METTL27: variants seen among roughly 807,000 people sequenced by gnomAD.
METTL27 encodes methyltransferase like 27.
Under a neutral mutation model 24.5 loss-of-function variants are expected in METTL27, and 29 were observed. The observed-to-expected ratio is 1.18, with a 90% confidence interval of 0.88 to 1.61. The LOEUF (loss-of-function observed/expected upper bound fraction) is 1.61, where lower values mean the gene tolerates loss of function less well. Among genes scored for constraint, METTL27 ranks in the 40% most tolerant of loss-of-function variants. METTL27 has a pLI of 0.00. For synonymous variants in METTL27, 138 were observed against 146.8 expected, an observed-to-expected ratio of 0.94 and a Z score of 0.43; for missense variants, 341 against 324.3, an observed-to-expected ratio of 1.05 and a Z score of -0.40.
chr7:73,836,101 C>A (rs1554635133), intron 5 of METTL27, among the ~76,000 whole-genome samples: 1 of 152,076 alleles, frequency 6.6e-6, no homozygotes, highest in Admixed American at 6.5e-5. Context: ...AGCCCCCCGC[C>A]CCACCAGCCG....
chr7:73,837,781 C>T (rs1261913214), intron 5 of METTL27, among the ~76,000 whole-genome samples: 16 of 151,776 alleles, frequency 1.1e-4, no homozygotes, highest in Admixed American at 7.9e-4. Flanking sequence ...AGGCTGGTCT[C>T]GAACTTTTGA....
intron 5 of METTL27, among the ~76,000 whole-genome samples, chr7:73,837,841 G>A (rs1327257308): frequency 6.6e-6 from 1 of 151,862 alleles, no homozygotes; most frequent in Non-Finnish European, 1.5e-5. Flanking sequence ...CACTGTGCCT[G>A]CCCACCCCCC....
intron 5 of METTL27, 150 bp from the exon 6 acceptor site, chr7:73,835,152 T>TCCTCTCCCTCCTCTCCCTCCTCTC: frequency 1.8e-6 from 1 of 557,686 alleles, no homozygotes; most frequent in African/African-American, 3.5e-5. Context: ...TCCCTCTCCC[T>TCCTCTCCCTCCTCTCCCTCCTCTC]CCTCTCCCTC....
intron 2 of METTL27, among the ~76,000 whole-genome samples, chr7:73,841,607 G>A (rs1788358175): frequency 6.6e-6 from 1 of 151,990 alleles, no homozygotes; most frequent in South Asian, 2.1e-4. Flanking sequence ...AGGGTAGCTG[G>A]GATTACCAGG....
intron 3 of METTL27, among the ~76,000 whole-genome samples, 162 bp downstream of exon 3, chr7:73,840,908 G>T (rs1563653020): frequency 6.6e-6 from 1 of 152,198 alleles, no homozygotes; most frequent in Non-Finnish European, 1.5e-5. Flanking sequence ...CTGTCCTCCT[G>T]CCTCGGCCTC....
intron 1 of METTL27, 64 bp from the exon 2 acceptor site, chr7:73,842,208 T>G: frequency 1.3e-6 from 2 of 1,538,746 alleles, no homozygotes; most frequent in Non-Finnish European, 1.7e-6. Flanking sequence ...CCTTTCCCCC[T>G]TCCCTCCTCC....
intron 5 of METTL27, among the ~76,000 whole-genome samples, chr7:73,836,082 G>C (rs1352102137): frequency 6.6e-6 from 1 of 150,842 alleles, no homozygotes; most frequent in Non-Finnish European, 1.5e-5. Context: ...GGAGGGAGGT[G>C]GGGGGGTCAG....
At chr7:73,840,353 C>T (rs151336190) in intron 4 of METTL27, 61 bp downstream of exon 4, 1 of 1,546,814 alleles carries the variant, frequency 6.5e-7, no homozygotes, top group African/African-American at 1.4e-5. Flanking sequence ...GATGGAGGAT[C>T]AGCAAGGGAA....
rs1554636372 is a variant in METTL27 at position 73,841,157 on chromosome 7, C to A, written c.165G>T (p.Val55=). The change falls in exon 3 of 6, where the codon GTG becomes GTT. Residue 55 remains valine (V), a synonymous_variant. Coordinates refer to ENST00000297873, the MANE Select transcript of METTL27 (RefSeq NM_152559.3). The part of the protein sequence containing the change: ...TLLYRAPRLA[V]DCLTQALPGP... ...CTGGAAGGGCTTGTGTGAGGCAGTC[C>A]ACTGCGAGGCGGGGCGCACGGTACA... 13 of 1,548,062 alleles carry A rather than the reference C, an allele frequency of 8.4e-6. No individual in the cohort carries two copies. The highest frequency in any genetic ancestry group is 2.2e-5 in the Admixed American group (1 of 45,042).
intron 3 of METTL27, 146 bp downstream of exon 3, chr7:73,840,924 G>A (rs782349264): frequency 1.6e-6 from 2 of 1,283,244 alleles, no homozygotes; most frequent in South Asian, 3.8e-5. Context: ...GCCTCCCATA[G>A]TGTGAGCCAC....
intron 5 of METTL27, among the ~76,000 whole-genome samples, chr7:73,835,737 C>T (rs1199371775): frequency 4.3e-5 from 4 of 92,994 alleles, no homozygotes; most frequent in African/African-American, 7.1e-5. Flanking sequence ...GGAGCGTCTC[C>T]GCCCGGCCGC....
Position 73,836,152 on chromosome 7 carries a change from G to C in METTL27, c.479-1150C>G, listed in dbSNP as rs1191103137. Among the ~76,000 whole-genome samples the C allele has an allele frequency of 3.0e-4, 33 of 110,170 alleles. No individual in the cohort carries two copies. In the South Asian group the frequency reaches 5.3e-3, roughly 18 times the overall value. The allele number at this position is 110,170 out of a possible 152,430, so 72.3% of individuals were successfully genotyped here. The stretch of plus-strand genomic sequence containing the variant: ...AGGTGGGGGGGTCAGCCCCCTGCCC[G>C]GCCAGCCGCCCATCCGGGAGGGAGG... On this transcript the variant is annotated intron_variant, in intron 5 of 5. Transcript: ENST00000297873.
rs371452591 is a variant in METTL27 at position 73,834,775 on chromosome 7, C to T, written c.706G>A (p.Glu236Lys). 5.3e-5 allele frequency: 86 copies of T among 1,614,036 alleles called. No individual in the cohort carries two copies. In the Admixed American group the frequency reaches 7.5e-4, roughly 14 times the overall value. ...CTCAACCTGGGTCGCCTTCCACTTT[C>T]GGTACAGGTAGACAATGCCGGAGAT... ...ASSPALSTCTESGRRPRLRK is the reference protein window; with the variant it reads ...ASSPALSTCTKSGRRPRLRK The change falls in exon 6 of 6, where the codon GAA becomes AAA. Residue 236 changes from glutamate (E) to lysine (K), a missense_variant. Glu to Lys is a moderately conservative substitution (Grantham distance 56). Transcript: ENST00000297873.
At chr7:73,841,306 C>A in intron 2 of METTL27, 108 bp from the exon 3 acceptor site, 1 of 1,458,498 alleles carries the variant, frequency 6.9e-7, no homozygotes, top group Non-Finnish European at 9.0e-7. Flanking sequence ...TGTTGGGGAT[C>A]AAGCCTGGCT....
intron 5 of METTL27, chr7:73,835,213 C>T (rs1264932469): frequency 8.3e-6 from 4 of 480,596 alleles, no homozygotes; most frequent in Non-Finnish European, 1.4e-5. Flanking sequence ...TCTCCCTCTC[C>T]CTCTCCCTCT....
Position 73,840,120 on chromosome 7 carries a change from C to T in METTL27, c.389G>A (p.Gly130Glu). Residue 130 changes from glycine to glutamate, a missense_variant and splice_region_variant, in exon 5 of 6, where the codon GGG becomes GAG. Physicochemically the swap from Gly to Glu is moderately conservative, Grantham distance 98. Transcript: ENST00000297873. ...LGQEPLPSPE[G>E]TFDAVLIVGA... ...GACTATCAGCACCGCGTCGAAGGTCCCTGTGTGTGTGTGGGGGGGGGTGGG... is the reference window on the plus strand; with the variant it reads ...GACTATCAGCACCGCGTCGAAGGTCTCTGTGTGTGTGTGGGGGGGGGTGGG... 1.3e-6 allele frequency: 2 copies of T among 1,563,760 alleles called. No individual in the cohort carries two copies. Among genetic ancestry groups the T allele is most frequent in the Non-Finnish European group, 8.6e-7 (1 of 1,157,294 alleles).
chr7:73,837,308 T>TA (rs1353769516), intron 5 of METTL27, among the ~76,000 whole-genome samples: 45 of 131,874 alleles, frequency 3.4e-4, no homozygotes, highest in Non-Finnish European at 5.6e-4. Flanking sequence ...TAAATAAATT[T>TA]AAAAAAAATA....
chr7:73,840,002 T>C, intron 5 of METTL27, 29 bp downstream of exon 5: 1 of 1,578,372 alleles, frequency 6.3e-7, no homozygotes, highest in South Asian at 1.2e-5. Context: ...TGACGGGGGT[T>C]GGGGGTGGTT....
intron 5 of METTL27, among the ~76,000 whole-genome samples, chr7:73,835,742 G>C (rs1196035949): frequency 2.3e-5 from 2 of 87,640 alleles, no homozygotes; most frequent in Admixed American, 2.0e-4. Flanking sequence ...GTCTCCGCCC[G>C]GCCGCCATCC....
Sources: allele counts gnomAD v4.1 joint callset (sites outside exome capture counted in the v4.1 genomes callset), GRCh38; gene constraint gnomAD v4.1.1; transcripts MANE v1.5; gene names NCBI Gene and HGNC (gene_info 2026-07-23, HGNC 2026-07-21).